The following PPP1R9A variants were observed in gnomAD, a reference collection of about 807,000 sequenced individuals.
PPP1R9A encodes neurabin-1.
In PPP1R9A, 59 loss-of-function variants were observed where a neutral mutation model predicts 141.9. That is an observed-to-expected ratio of 0.42 (90% CI 0.34 to 0.52). The LOEUF (loss-of-function observed/expected upper bound fraction) is 0.52, where lower values mean the gene tolerates loss of function less well. Ranked by LOEUF, PPP1R9A falls within the 20% of genes least tolerant of loss-of-function variation. The pLI is 0.10. For missense variants in PPP1R9A, 1,444 were observed against 1,611.9 expected (o/e 0.90, Z 1.78); for synonymous variants, 500 against 569.7 (o/e 0.88, Z 1.74).
chr7:95,003,242 G>A (rs1456420478), intron 2 of PPP1R9A, among the ~76,000 whole-genome samples: 2 of 151,998 alleles, frequency 1.3e-5, no homozygotes, highest in Non-Finnish European at 1.5e-5. Context: ...AAGCCTATTA[G>A]GAAAAACTTG....
At chr7:95,181,900 A>G (rs1350347211) in intron 5 of PPP1R9A, among the ~76,000 whole-genome samples, 6 of 151,176 alleles carry the variant, frequency 4.0e-5, no homozygotes, top group African/African-American at 1.2e-4. Flanking sequence ...GAGATTGGAG[A>G]CTATTATACT....
chr7:95,187,944 T>C (rs574765391), intron 5 of PPP1R9A, among the ~76,000 whole-genome samples: 69 of 152,252 alleles, frequency 4.5e-4, no homozygotes, highest in Non-Finnish European at 8.5e-4. Context: ...TCTTCGAGAA[T>C]TTTCCATGTG....
At chr7:95,146,867 G>C (rs1285892155) in intron 4 of PPP1R9A, among the ~76,000 whole-genome samples, 2 of 152,020 alleles carry the variant, frequency 1.3e-5, no homozygotes, top group Non-Finnish European at 2.9e-5. Flanking sequence ...TATCTGTTTT[G>C]GTACCAGTAT....
intron 2 of PPP1R9A, among the ~76,000 whole-genome samples, chr7:94,960,534 A>G (rs1379968985): frequency 6.6e-6 from 1 of 151,792 alleles, no homozygotes; most frequent in East Asian, 1.9e-4. Flanking sequence ...AAGTAGGGGT[A>G]GAAAAAGGAA....
chr7:95,226,750 G>A (rs1795196082), intron 8 of PPP1R9A, among the ~76,000 whole-genome samples: 1 of 152,124 alleles, frequency 6.6e-6, no homozygotes, highest in Non-Finnish European at 1.5e-5. Flanking sequence ...CCCAGGCAAG[G>A]GAGTATGGTG....
intron 10 of PPP1R9A, among the ~76,000 whole-genome samples, chr7:95,251,561 C>T (rs185159650): frequency 1.9e-4 from 29 of 152,204 alleles, no homozygotes; most frequent in Admixed American, 1.5e-3. Flanking sequence ...TAAGCAGAAT[C>T]GAATCATTTT....
chr7:94,933,420 G>A (rs934362705), intron 2 of PPP1R9A, among the ~76,000 whole-genome samples: 2 of 152,126 alleles, frequency 1.3e-5, no homozygotes, highest in African/African-American at 4.8e-5. Flanking sequence ...TAGGTAGACA[G>A]GCAGAGAGAT....
intron 2 of PPP1R9A, among the ~76,000 whole-genome samples, chr7:95,063,770 G>A (rs1476029922): frequency 1.3e-5 from 2 of 152,068 alleles, no homozygotes; most frequent in East Asian, 1.9e-4. Context: ...GGAGAGTTGC[G>A]GAAATTTGTG....
intron 2 of PPP1R9A, among the ~76,000 whole-genome samples, chr7:94,991,084 T>G (rs1214833491): frequency 7.9e-5 from 12 of 152,230 alleles, no homozygotes; most frequent in Admixed American, 7.9e-4. Flanking sequence ...GGTAGTTCTA[T>G]TTGTAGTTTT....
At chr7:95,118,826 A>G (rs970681789) in intron 3 of PPP1R9A, among the ~76,000 whole-genome samples, 3 of 149,156 alleles carry the variant, frequency 2.0e-5, no homozygotes, top group Admixed American at 6.7e-5. Flanking sequence ...AAAAAAAAAC[A>G]CAAAAAATTA....
At chr7:94,928,861 A>C (rs142198657) in intron 2 of PPP1R9A, among the ~76,000 whole-genome samples, 240 of 152,316 alleles carry the variant, frequency 1.6e-3, no homozygotes, top group East Asian at 4.1e-3. Flanking sequence ...AATATCTAAA[A>C]AGATGTGCCA....
chr7:95,037,869 C>T (rs1808662623), intron 2 of PPP1R9A, among the ~76,000 whole-genome samples: 1 of 151,688 alleles, frequency 6.6e-6, no homozygotes, highest in South Asian at 2.1e-4. Context: ...CTTTGGGAGG[C>T]CAAGGCAGGA....
intron 2 of PPP1R9A, among the ~76,000 whole-genome samples, chr7:95,044,802 C>T (rs557541589): frequency 7.3e-5 from 11 of 150,854 alleles, no homozygotes; most frequent in East Asian, 3.9e-4. Flanking sequence ...GGAATGCCTG[C>T]GCTCAAGTGG....
chr7:95,178,537 A>G (rs1833228822), intron 5 of PPP1R9A, among the ~76,000 whole-genome samples: 1 of 152,178 alleles, frequency 6.6e-6, no homozygotes, highest in African/African-American at 2.4e-5. Flanking sequence ...CCAAGATCAG[A>G]GCAGAACTAA....
At chr7:95,033,221 A>C (rs1013534550) in intron 2 of PPP1R9A, among the ~76,000 whole-genome samples, 1 of 130,090 alleles carries the variant, frequency 7.7e-6, no homozygotes, top group Non-Finnish European at 1.6e-5. Flanking sequence ...TCACCGTGTT[A>C]GCCAGGATGG....
chr7:95,211,156 A>G (rs1792042770), intron 7 of PPP1R9A, among the ~76,000 whole-genome samples: 1 of 148,956 alleles, frequency 6.7e-6, no homozygotes. Flanking sequence ...AAAAAAAAAA[A>G]CATTAAAAAT....
rs138085999 is a variant in PPP1R9A at position 95,091,724 on chromosome 7, C to T, written c.1396-19535C>T. Among the ~76,000 whole-genome samples the T allele has an allele frequency of 7.9e-5, 12 of 151,674 alleles. No individual in the cohort carries two copies. In the East Asian group the frequency reaches 2.3e-3, roughly 29 times the overall value. On this transcript the variant is annotated intron_variant, in intron 2 of 19. Transcript: ENST00000433360. ...TACTAGTAAGTTTGAATCTCTACCC[C>T]CTTCAATTTATGGCCCTTTGCAGTT...
chr7:95,180,196 A>C (rs962273893), intron 5 of PPP1R9A, among the ~76,000 whole-genome samples: 1 of 152,198 alleles, frequency 6.6e-6, no homozygotes, highest in Non-Finnish European at 1.5e-5. Context: ...AATGGAACAG[A>C]ATAGAGAACC....
At chr7:95,215,501 T>C (rs1430919024) in intron 7 of PPP1R9A, among the ~76,000 whole-genome samples, 2 of 152,204 alleles carry the variant, frequency 1.3e-5, no homozygotes, top group Non-Finnish European at 2.9e-5. Flanking sequence ...ATGGGATTGC[T>C]GGGTCAAATG....
Sources: allele counts gnomAD v4.1 joint callset (sites outside exome capture counted in the v4.1 genomes callset), GRCh38; gene constraint gnomAD v4.1.1; transcripts MANE v1.5; gene names NCBI Gene and HGNC (gene_info 2026-07-23, HGNC 2026-07-21).